Variants in N4BP1 observed in about 807,000 individuals in gnomAD.
N4BP1 encodes the protein NEDD4 binding protein 1, also known as NEDD4-binding protein 1.
Under a neutral mutation model 70.9 loss-of-function variants are expected in N4BP1, and 21 were observed. That is an observed-to-expected ratio of 0.30 (90% CI 0.21 to 0.43). The LOEUF is 0.43. N4BP1 is among the 20% of genes least tolerant of loss of function. The pLI is 1.00. For synonymous variants in N4BP1, 387 were observed against 394.6 expected, an observed-to-expected ratio of 0.98 and a Z score of 0.23; for missense variants, 936 against 1,069.4, an observed-to-expected ratio of 0.88 and a Z score of 1.74.
rs534814579 is a variant in N4BP1 at position 48,553,746 on chromosome 16, A to C, written c.1890-77T>G. ...ACAGTAAGTTTCACCATGAAAAGTT[A>C]ACATACACATACAACAAACAGTAAG... On this transcript the variant is annotated intron_variant, in intron 2 of 6. Coordinates refer to ENST00000262384, the MANE Select transcript of N4BP1 (RefSeq NM_153029.4). 15 of 1,199,756 alleles carry C rather than the reference A, an allele frequency of 1.3e-5. No individual in the cohort carries two copies. The Admixed American group carries it at 2.6e-4, about 21-fold the overall frequency. The allele number at this position is 1,199,756 out of a possible 1,614,324, so 74.3% of individuals were successfully genotyped here.
rs971180174 is a variant in N4BP1 at position 48,542,905 on chromosome 16, C to T, written c.2690G>A (p.Ter897=). 2 of 1,600,972 alleles carry T rather than the reference C, an allele frequency of 1.2e-6. No individual in the cohort carries two copies. The highest frequency in any genetic ancestry group is 3.8e-4 in the Middle Eastern group (2 of 5,330). ...LNALSAMVLD[*] ...CAAGCTCAGCGCTCAGCACAATCTT[C>T]AATCCAACACCATGGCAGAAAGCGC... The change falls in exon 7 of 7, where the codon TGA becomes TAA. Residue 897 remains the stop codon, a stop_retained_variant. Transcript: ENST00000262384.
At chr16:48,608,366 G>A (rs1373350372) in intron 1 of N4BP1, among the ~76,000 whole-genome samples, 1 of 152,190 alleles carries the variant, frequency 6.6e-6, no homozygotes. Context: ...CTTTAAGGAT[G>A]TGAAATGCAA....
chr16:48,545,549 A>G (rs1256092498), intron 6 of N4BP1, among the ~76,000 whole-genome samples: 1 of 151,350 alleles, frequency 6.6e-6, no homozygotes, highest in Non-Finnish European at 1.5e-5. Flanking sequence ...TTGTACTCCA[A>G]CCTGGGCAAC....
chr16:48,577,326 GT>G (rs1413210559), intron 1 of N4BP1, among the ~76,000 whole-genome samples: 1 of 151,514 alleles, frequency 6.6e-6, no homozygotes, highest in Non-Finnish European at 1.5e-5. Context: ...TTTTTTTTGT[GT>G]TTTTTGCTTT....
intron 1 of N4BP1, among the ~76,000 whole-genome samples, chr16:48,567,308 T>C (rs1042665887): frequency 5.9e-5 from 9 of 152,142 alleles, no homozygotes; most frequent in Non-Finnish European, 1.0e-4. Flanking sequence ...GTATAATAAT[T>C]TACCTACTGC....
At chr16:48,565,727 T>C (rs963795657) in intron 1 of N4BP1, among the ~76,000 whole-genome samples, 1 of 152,228 alleles carries the variant, frequency 6.6e-6, no homozygotes, top group African/African-American at 2.4e-5. Context: ...AGACATTTTG[T>C]AGAATTCTCC....
chr16:48,562,369 C>CA lies in N4BP1; in HGVS notation c.273dup (p.Val92CysfsTer18). The CA allele has an allele frequency of 6.2e-7, 1 of 1,613,816 alleles. No homozygotes were observed. On this transcript the variant is annotated frameshift_variant, in exon 2 of 7. Transcript: ENST00000262384. LOFTEE classifies it high-confidence loss of function. ...TTCAGAAACAGGCTCTCTGCCCCAA[C>CA]AAAAATGCAGTGCATGTCCTTGGGG...
intron 1 of N4BP1, among the ~76,000 whole-genome samples, chr16:48,597,761 G>A (rs750565745): frequency 6.6e-6 from 1 of 151,970 alleles, no homozygotes; most frequent in Non-Finnish European, 1.5e-5. Flanking sequence ...CTCATGTCTC[G>A]TCATCTAGTG....
At position 48,561,494 on chromosome 16, in the gene N4BP1, T is replaced by A. The variant is rs768206096; in HGVS notation, c.1149A>T (p.Glu383Asp). Residue 383 changes from glutamate to aspartate, a missense_variant, in exon 2 of 7, where the codon GAA becomes GAT. By Grantham distance (45) the Glu-to-Asp change is conservative. Coordinates refer to ENST00000262384, the MANE Select transcript of N4BP1 (RefSeq NM_153029.4). ...PSTEPLLLLEEIEKENKRFQE... is the reference protein window; with the variant it reads ...PSTEPLLLLEDIEKENKRFQE... The stretch of plus-strand genomic sequence containing the variant: ...GGAATCTTTTATTTTCTTTTTCAAT[T>A]TCCTCTAAGAGCAATAATGGTTCAG... 1.9e-6 allele frequency: 3 copies of A among 1,611,798 alleles called. No homozygotes were observed. Among genetic ancestry groups the A allele is most frequent in the Middle Eastern group, 1.7e-4 (1 of 6,046 alleles).
chr16:48,558,043 C>T (rs548552463), intron 2 of N4BP1, among the ~76,000 whole-genome samples: 157 of 152,038 alleles, frequency 1.0e-3, no homozygotes, highest in Non-Finnish European at 2.1e-3. Context: ...TTCGCAATGC[C>T]GTGCAACCAC....
chr16:48,590,640 G>A (rs1005968920), intron 1 of N4BP1, among the ~76,000 whole-genome samples: 1 of 152,194 alleles, frequency 6.6e-6, no homozygotes, highest in Admixed American at 6.5e-5. Context: ...TACCGACAGG[G>A]CACTGCCAAC....
chr16:48,546,549 C>G lies in N4BP1; in HGVS notation c.2226-295G>C, dbSNP rs141308564. ...CCGCTTCTTCTTCTAATATAACTTT[C>G]AATATAACTTTGAAAAATAAGATTT... is the stretch of plus-strand genomic sequence containing the variant. On this transcript the variant is annotated intron_variant, in intron 5 of 6. Coordinates refer to ENST00000262384, the MANE Select transcript of N4BP1 (RefSeq NM_153029.4). 1,249 of 249,726 alleles carry G rather than the reference C, an allele frequency of 5.0e-3. 14 individuals carry two copies. Among genetic ancestry groups the G allele is most frequent in the African/African-American group, 0.026 (1,176 of 45,256 alleles). The allele number at this position is 249,726 out of a possible 1,614,324, so 15.5% of individuals were successfully genotyped here.
intron 2 of N4BP1, among the ~76,000 whole-genome samples, chr16:48,558,418 T>C (rs138570035): frequency 1.3e-5 from 2 of 152,216 alleles, no homozygotes; most frequent in African/African-American, 4.8e-5. Context: ...AGGAGTGTGT[T>C]TGAGGTGTCA....
chr16:48,565,834 T>C (rs1037681342), intron 1 of N4BP1, among the ~76,000 whole-genome samples: 4 of 152,218 alleles, frequency 2.6e-5, no homozygotes, highest in African/African-American at 9.6e-5. Flanking sequence ...CTTATAGCTA[T>C]TTCATATGAA....
intron 1 of N4BP1, among the ~76,000 whole-genome samples, chr16:48,570,125 T>C (rs1435695978): frequency 2.0e-5 from 3 of 149,270 alleles, no homozygotes; most frequent in Non-Finnish European, 1.5e-5. Context: ...ACATGATTAC[T>C]TGGGGCTGGG....
intron 1 of N4BP1, chr16:48,600,233 C>T (rs1267322057): frequency 3.2e-5 from 26 of 819,688 alleles, no homozygotes; most frequent in East Asian, 9.9e-5. Context: ...TCATCCGCAA[C>T]GACTGAAAGG....
chr16:48,583,272 T>C (rs1256496343), intron 1 of N4BP1, among the ~76,000 whole-genome samples: 1 of 152,162 alleles, frequency 6.6e-6, no homozygotes, highest in African/African-American at 2.4e-5. Flanking sequence ...ACATCATAGA[T>C]AAACCTGAAA....
Position 48,543,088 on chromosome 16 carries a change from A to G in N4BP1, c.2507T>C (p.Leu836Pro). ...GGGCAGGTTCTGCTGGAGACTGGGG[A>G]GGGCTGGCAGCAGTGGGAAGTGGGG... is the stretch of plus-strand genomic sequence containing the variant. ...QQPHFPLLPA[L>P]PSLQQNLPMP... The change falls in exon 7 of 7, where the codon CTC (leucine) becomes CCC (proline). Residue 836 changes from leucine to proline, a missense_variant. Physicochemically the swap from Leu to Pro is moderately conservative, Grantham distance 98. This residue lies in a region of N4BP1 where 229 missense variants were observed against 343.5 expected (regional missense o/e 0.67). Coordinates refer to ENST00000262384, the MANE Select transcript of N4BP1 (RefSeq NM_153029.4). 6.2e-7 allele frequency: 1 copy of G among 1,613,516 alleles called. No homozygotes were observed.
chr16:48,550,915 T>A (rs1457542886), intron 4 of N4BP1, among the ~76,000 whole-genome samples: 2 of 149,384 alleles, frequency 1.3e-5, no homozygotes, highest in African/African-American at 2.5e-5. Flanking sequence ...TAAGACTCCA[T>A]CTCAAGAAAA....
Sources: allele counts gnomAD v4.1 joint callset (sites outside exome capture counted in the v4.1 genomes callset), GRCh38; gene constraint gnomAD v4.1.1; regional missense constraint gnomAD v4.1.1; transcripts MANE v1.5; gene names NCBI Gene and HGNC (gene_info 2026-07-23, HGNC 2026-07-21).